The following PPP3CB variants were observed in gnomAD, a reference collection of about 807,000 sequenced individuals.
PPP3CB encodes protein phosphatase 3 catalytic subunit beta.
A neutral mutation model predicts 66.4 loss-of-function variants in PPP3CB; 8 were observed. The observed-to-expected ratio is 0.12, with a 90% CI of 0.07 to 0.22. PPP3CB has a LOEUF of 0.22. Among genes scored for constraint, PPP3CB ranks in the 10% least tolerant of loss-of-function variants. The pLI is 1.00. For missense variants in PPP3CB, 319 were observed against 642.5 expected (o/e 0.50, Z 5.44); for synonymous variants, 208 against 221.2 (o/e 0.94, Z 0.53).
intron 1 of PPP3CB, among the ~76,000 whole-genome samples, chr10:73,487,376 C>T (rs778805767): frequency 2.0e-5 from 3 of 151,760 alleles, no homozygotes; most frequent in Non-Finnish European, 4.4e-5. Context: ...GGCGAAATCC[C>T]GTCTCTACTA....
chr10:73,438,184 C>A lies in PPP3CB; in HGVS notation c.*58G>T. On this transcript the variant is annotated 3_prime_UTR_variant, in exon 14 of 14. Transcript: ENST00000360663. ...GTCAGCTTGGCCGACCCCTCCAGCT[C>A]CTCGGGTGATCTGTCCATTTGGGGC... The A allele has an allele frequency of 2.0e-6, 3 of 1,534,006 alleles. No individual in the cohort carries two copies. Among genetic ancestry groups the A allele is most frequent in the African/African-American group, 1.4e-5 (1 of 72,494 alleles).
intron 13 of PPP3CB, among the ~76,000 whole-genome samples, chr10:73,438,791 T>A (rs889569966): frequency 2.6e-5 from 4 of 152,170 alleles, no homozygotes; most frequent in Non-Finnish European, 4.4e-5. Flanking sequence ...CCAGTGACTA[T>A]CACAGTAAGG....
At chr10:73,481,946 G>A (rs978478523) in intron 1 of PPP3CB, among the ~76,000 whole-genome samples, 22 of 151,664 alleles carry the variant, frequency 1.5e-4, no homozygotes, top group Admixed American at 2.6e-4. Flanking sequence ...AGCATGTCAA[G>A]ATTCTAATAA....
At chr10:73,477,321 A>G (rs1258895524) in intron 3 of PPP3CB, 2 of 485,238 alleles carry the variant, frequency 4.1e-6, no homozygotes, top group Non-Finnish European at 8.0e-6. Flanking sequence ...GTATGTAAAG[A>G]TGTATGAATA....
At chr10:73,477,786 G>C (rs1266922327) in intron 3 of PPP3CB, among the ~76,000 whole-genome samples, 2 of 152,090 alleles carry the variant, frequency 1.3e-5, no homozygotes, top group Non-Finnish European at 2.9e-5. Flanking sequence ...GCATGGTGGT[G>C]TGTACCTGTG....
chr10:73,478,409 C>T (rs2056824774), intron 3 of PPP3CB, 90 bp downstream of exon 3: 2 of 1,207,908 alleles, frequency 1.7e-6, no homozygotes, highest in Admixed American at 2.4e-5. Flanking sequence ...TTAAAAAAAC[C>T]TAACACAGGT....
At chr10:73,447,678 A>G (rs954366657) in intron 10 of PPP3CB, among the ~76,000 whole-genome samples, 1 of 152,202 alleles carries the variant, frequency 6.6e-6, no homozygotes, top group Non-Finnish European at 1.5e-5. Context: ...AACTAAGATA[A>G]TGACTGGATC....
Position 73,479,498 on chromosome 10 carries a change from T to C in PPP3CB, c.105A>G (p.Thr35=). 2.5e-6 allele frequency: 4 copies of C among 1,613,978 alleles called. No individual in the cohort carries two copies. The highest frequency in any genetic ancestry group is 8.5e-7 in the Non-Finnish European group (1 of 1,179,926). ...RVVKAVPFPP[T]HRLTSEEVFD... ...ATACTTCTTCAGATGTCAAGCGATG[T>C]GTTGGGGGGAAAGGGACAGCTGCAA... is the stretch of plus-strand genomic sequence containing the variant. Residue 35 remains threonine (T), a synonymous_variant, in exon 2 of 14, where the codon ACA becomes ACG. Coordinates refer to ENST00000360663, the MANE Select transcript of PPP3CB (RefSeq NM_021132.4).
At chr10:73,471,762 C>A in intron 4 of PPP3CB, 149 bp from the exon 5 acceptor site, 1 of 645,598 alleles carries the variant, frequency 1.5e-6, no homozygotes, top group Non-Finnish European at 2.5e-6. Context: ...GTTACAGTTT[C>A]AACTGTAGTA....
intron 10 of PPP3CB, 92 bp from the exon 11 acceptor site, chr10:73,446,665 C>G: frequency 8.2e-7 from 1 of 1,225,054 alleles, no homozygotes; most frequent in Admixed American, 1.7e-5. Context: ...CTCATCTAAA[C>G]CAGTACCAAG....
At chr10:73,490,795 T>C (rs2057059917) in intron 1 of PPP3CB, among the ~76,000 whole-genome samples, 1 of 152,112 alleles carries the variant, frequency 6.6e-6, no homozygotes, top group South Asian at 2.1e-4. Flanking sequence ...GTTCCTTTGC[T>C]TTCACTAGGA....
At chr10:73,483,097 C>T (rs2056909262) in intron 1 of PPP3CB, among the ~76,000 whole-genome samples, 2 of 152,210 alleles carry the variant, frequency 1.3e-5, no homozygotes, top group Admixed American at 1.3e-4. Flanking sequence ...TCAAGTCACA[C>T]TGAAGAACTA....
chr10:73,440,708 C>T (rs2056130141), intron 12 of PPP3CB, among the ~76,000 whole-genome samples: 1 of 152,164 alleles, frequency 6.6e-6, no homozygotes, highest in Non-Finnish European at 1.5e-5. Context: ...TACTGAGCAT[C>T]TTTTCAAACT....
intron 9 of PPP3CB, among the ~76,000 whole-genome samples, chr10:73,459,052 AAGAGCAAAACTC>A (rs2056477826): frequency 6.6e-6 from 1 of 152,146 alleles, no homozygotes; most frequent in African/African-American, 2.4e-5. Flanking sequence ...CATGGGCAAC[AAGAGCAAAACTC>A]TGTCTCAAAA....
chr10:73,446,671 C>T lies in PPP3CB; in HGVS notation c.1187-98G>A, dbSNP rs539515250. 1.1e-4 allele frequency: 118 copies of T among 1,118,118 alleles called. 2 individuals are homozygous for T. The South Asian group carries it at 1.4e-3, about 14-fold the overall frequency. The allele number at this position is 1,118,118 out of a possible 1,614,324, so 69.3% of individuals were successfully genotyped here. A position where few individuals can be genotyped will look rare whatever the true frequency, so the allele number is the denominator to read the frequency against. On this transcript the variant is annotated intron_variant, in intron 10 of 13. Transcript: ENST00000360663. ...TGTTCCACACTCATCTAAACCAGTA[C>T]CAAGACCCCTGCCACCAGCTTACAT... is the stretch of plus-strand genomic sequence containing the variant.
At chr10:73,471,778 C>CCAGA (rs1246451352) in intron 4 of PPP3CB, among the ~76,000 whole-genome samples, 165 bp from the exon 5 acceptor site, 2 of 151,642 alleles carry the variant, frequency 1.3e-5, no homozygotes, top group Non-Finnish European at 2.9e-5. Context: ...TAGTAATAGC[C>CCAGA]CAGACAGACA....
intron 8 of PPP3CB, among the ~76,000 whole-genome samples, chr10:73,468,225 A>G (rs746597774): frequency 1.3e-5 from 2 of 152,182 alleles, no homozygotes; most frequent in Non-Finnish European, 2.9e-5. Flanking sequence ...AATTACTACA[A>G]AGAAATATTT....
At chr10:73,452,462 G>A (rs144501248) in intron 10 of PPP3CB, among the ~76,000 whole-genome samples, 54 of 152,270 alleles carry the variant, frequency 3.5e-4, no homozygotes, top group Non-Finnish European at 6.9e-4. Flanking sequence ...TTGGGAGGCA[G>A]AGGCGGGCCG....
intron 12 of PPP3CB, among the ~76,000 whole-genome samples, chr10:73,442,717 T>G (rs983397790): frequency 3.3e-5 from 5 of 151,774 alleles, no homozygotes; most frequent in Admixed American, 2.0e-4. Flanking sequence ...GCAGGTTGTT[T>G]TTTTTTTTTA....
Sources: gnomAD v4.1 joint callset for allele counts (sites outside exome capture counted in the v4.1 genomes callset) on GRCh38, gnomAD v4.1.1 for gene constraint, MANE v1.5 for transcripts, NCBI Gene and HGNC (gene_info 2026-07-23, HGNC 2026-07-21) for gene names.